Variants in SPIN1 observed in about 807,000 individuals in gnomAD.
The protein encoded by SPIN1 is spindlin 1.
SPIN1 carries 3 observed loss-of-function variants against 26.0 expected under a neutral mutation model. The observed-to-expected ratio is 0.12, with a 90% confidence interval of 0.05 to 0.30. The LOEUF (loss-of-function observed/expected upper bound fraction) is 0.30. SPIN1 is among the 10% of genes least tolerant of loss of function. The probability of loss-of-function intolerance (pLI) is 1.00; values close to 1 mark genes in which losing one functional copy is unlikely to be tolerated. For missense variants in SPIN1, 126 were observed against 333.4 expected (o/e 0.38, Z 4.84); for synonymous variants, 101 against 116.5 (o/e 0.87, Z 0.86).
At chr9:88,453,741 G>T (rs1002042966) in intron 3 of SPIN1, among the ~76,000 whole-genome samples, 1 of 152,138 alleles carries the variant, frequency 6.6e-6, no homozygotes, top group Non-Finnish European at 1.5e-5. Context: ...GGTCAGGCAG[G>T]TCTCAAACTC....
At chr9:88,447,749 A>G (rs1308354197) in intron 2 of SPIN1, among the ~76,000 whole-genome samples, 1 of 152,216 alleles carries the variant, frequency 6.6e-6, no homozygotes, top group Admixed American at 6.5e-5. Context: ...AATTCCAGCC[A>G]GCCCACCCTT....
chr9:88,398,014 C>G (rs1696958062), intron 1 of SPIN1, among the ~76,000 whole-genome samples: 1 of 151,670 alleles, frequency 6.6e-6, no homozygotes, highest in African/African-American at 2.4e-5. Context: ...CTCGACCTTC[C>G]CGGACTCAGG....
At chr9:88,444,059 G>A (rs1385246068) in intron 2 of SPIN1, among the ~76,000 whole-genome samples, 1 of 152,054 alleles carries the variant, frequency 6.6e-6, no homozygotes, top group Non-Finnish European at 1.5e-5. Flanking sequence ...TTTGGGGACA[G>A]TTGTTTGTCT....
chr9:88,454,377 A>G (rs533780004), intron 3 of SPIN1, among the ~76,000 whole-genome samples: 7 of 152,366 alleles, frequency 4.6e-5, no homozygotes, highest in Non-Finnish European at 8.8e-5. Context: ...AATGATCCAG[A>G]TATGACCAAA....
intron 2 of SPIN1, among the ~76,000 whole-genome samples, chr9:88,444,613 G>C (rs578017943): frequency 6.6e-6 from 1 of 151,542 alleles, no homozygotes; most frequent in Admixed American, 6.6e-5. Flanking sequence ...TTAGATCTCA[G>C]ATCATTTCAG....
At chr9:88,425,005 G>A (rs1406379273) in intron 1 of SPIN1, among the ~76,000 whole-genome samples, 1 of 152,228 alleles carries the variant, frequency 6.6e-6, no homozygotes, top group Non-Finnish European at 1.5e-5. Context: ...CTTCTAGGGT[G>A]AGGATTGGGG....
chr9:88,453,939 T>G lies in SPIN1; in HGVS notation c.101+4950T>G, dbSNP rs993494100. On this transcript the variant is annotated intron_variant, in intron 3 of 5. Coordinates refer to ENST00000375859, the MANE Select transcript of SPIN1 (RefSeq NM_006717.3). ...GTAATTGTTCACCATATACTCAAAT[T>G]CAAACTACAAGAAAAGTTTTTTTTA... is the stretch of plus-strand genomic sequence containing the variant. 5.3e-5 allele frequency among the ~76,000 whole-genome samples: 8 copies of G among 152,364 alleles called. 1 individual carries two copies. The East Asian group carries it at 1.5e-3, about 29-fold the overall frequency.
chr9:88,456,632 C>T (rs1828477942), intron 3 of SPIN1, among the ~76,000 whole-genome samples: 1 of 152,186 alleles, frequency 6.6e-6, no homozygotes, highest in South Asian at 2.1e-4. Context: ...TCAGAACCTG[C>T]ACTTACTGCT....
chr9:88,400,628 C>T (rs1417677566), intron 1 of SPIN1, among the ~76,000 whole-genome samples: 1 of 152,096 alleles, frequency 6.6e-6, no homozygotes, highest in Non-Finnish European at 1.5e-5. Context: ...GGAGGATCAC[C>T]TGAGGTAAGG....
intron 2 of SPIN1, among the ~76,000 whole-genome samples, chr9:88,434,782 C>T (rs956890309): frequency 3.3e-5 from 5 of 152,082 alleles, no homozygotes; most frequent in African/African-American, 4.8e-5. Flanking sequence ...ATGAGCTGCG[C>T]GCGGTTGCTC....
intron 2 of SPIN1, among the ~76,000 whole-genome samples, chr9:88,439,256 G>C (rs1384534755): frequency 6.6e-6 from 1 of 152,102 alleles, no homozygotes; most frequent in African/African-American, 2.4e-5. Context: ...GAACTTATGT[G>C]TGAATTCGTG....
chr9:88,422,148 C>G (rs752493919), intron 1 of SPIN1, among the ~76,000 whole-genome samples: 41 of 152,142 alleles, frequency 2.7e-4, no homozygotes, highest in Non-Finnish European at 5.6e-4. Context: ...TTATTGTTCT[C>G]CAGCAACCTT....
intron 2 of SPIN1, among the ~76,000 whole-genome samples, chr9:88,430,889 T>C (rs1668115607): frequency 6.6e-6 from 1 of 150,932 alleles, no homozygotes; most frequent in African/African-American, 2.4e-5. Flanking sequence ...TTTTCTTTTT[T>C]TTTTTTTTTT....
chr9:88,447,347 C>G (rs1587805062), intron 2 of SPIN1, among the ~76,000 whole-genome samples: 1 of 152,040 alleles, frequency 6.6e-6, no homozygotes, highest in Admixed American at 6.6e-5. Context: ...CATTCATAGT[C>G]TACTTGCTTA....
chr9:88,471,827 G>C (rs1486669048), intron 5 of SPIN1, among the ~76,000 whole-genome samples: 2 of 151,858 alleles, frequency 1.3e-5, no homozygotes, highest in African/African-American at 4.8e-5. Flanking sequence ...TTTGAGTCCT[G>C]CTTTTTTTTT....
rs377230421 is a variant in SPIN1, at chr9:88,471,001, A to G, written c.589+2396A>G. 5.3e-5 allele frequency among the ~76,000 whole-genome samples: 8 copies of G among 152,226 alleles called. No homozygotes were observed. The East Asian group carries it at 7.7e-4, about 15-fold the overall frequency. Reference sequence around the variant, plus strand: ...TTATTGCATTGTGACAATTTTTTAAATACAAGACCTTTATCAGATATATGT... The same window carrying G: ...TTATTGCATTGTGACAATTTTTTAAGTACAAGACCTTTATCAGATATATGT... On this transcript the variant is annotated intron_variant, in intron 5 of 5. Transcript: ENST00000375859.
At chr9:88,392,676 TTCTA>T (rs961006586) in intron 1 of SPIN1, among the ~76,000 whole-genome samples, 8 of 152,124 alleles carry the variant, frequency 5.3e-5, no homozygotes, top group Non-Finnish European at 1.2e-4. Context: ...AGCTACTATT[TTCTA>T]TCTATCCTCC....
intron 1 of SPIN1, among the ~76,000 whole-genome samples, chr9:88,406,474 A>G (rs1827313152): frequency 6.6e-6 from 1 of 151,834 alleles, no homozygotes; most frequent in Non-Finnish European, 1.5e-5. Context: ...TTGTATTTTT[A>G]GTAGAGACAG....
intron 2 of SPIN1, among the ~76,000 whole-genome samples, chr9:88,434,936 C>A (rs537090333): frequency 3.3e-5 from 5 of 151,994 alleles, no homozygotes; most frequent in African/African-American, 1.2e-4. Flanking sequence ...CCTGTAATCC[C>A]CACTACTTGG....
Sources: gnomAD v4.1 joint callset for allele counts (sites outside exome capture counted in the v4.1 genomes callset) on GRCh38, gnomAD v4.1.1 for gene constraint, MANE v1.5 for transcripts, NCBI Gene and HGNC (gene_info 2026-07-23, HGNC 2026-07-21) for gene names.